The following FOXO1 variants were observed in gnomAD, a reference collection of about 807,000 sequenced individuals.
FOXO1 encodes forkhead box protein O1.
In FOXO1, 6 loss-of-function variants were observed where a neutral mutation model predicts 44.1. The observed-to-expected ratio is 0.14, with a 90% CI of 0.07 to 0.27. The LOEUF (loss-of-function observed/expected upper bound fraction) is 0.27, where lower values mean the gene tolerates loss of function less well. Ranked by LOEUF, FOXO1 falls within the 10% of genes least tolerant of loss-of-function variation. FOXO1 has a pLI of 1.00. For missense variants in FOXO1, 737 were observed against 888.8 expected (o/e 0.83, Z 2.17); for synonymous variants, 380 against 362.7 (o/e 1.05, Z -0.54).
intron 1 of FOXO1, among the ~76,000 whole-genome samples, chr13:40,633,559 G>A (rs1293633790): frequency 6.6e-6 from 1 of 152,176 alleles, no homozygotes; most frequent in African/African-American, 2.4e-5. Context: ...TATACAAAAT[G>A]TTCACAACAG....
intron 1 of FOXO1, among the ~76,000 whole-genome samples, chr13:40,653,016 C>A (rs1390137113): frequency 6.6e-6 from 1 of 151,936 alleles, no homozygotes; most frequent in Non-Finnish European, 1.5e-5. Flanking sequence ...GTCGCCCAGG[C>A]TGGAGTGCAG....
intron 1 of FOXO1, among the ~76,000 whole-genome samples, chr13:40,651,212 T>A (rs1877677074): frequency 6.6e-6 from 1 of 151,998 alleles, no homozygotes. Context: ...TAGACAAGAC[T>A]ACAGGCACAC....
At chr13:40,562,229 G>C (rs1278305425) in intron 1 of FOXO1, among the ~76,000 whole-genome samples, 1 of 152,142 alleles carries the variant, frequency 6.6e-6, no homozygotes, top group South Asian at 2.1e-4. Flanking sequence ...GTAGCCAGGG[G>C]CTACACTGTC....
intron 1 of FOXO1, among the ~76,000 whole-genome samples, chr13:40,564,257 G>A (rs1444817082): frequency 1.3e-5 from 2 of 150,480 alleles, no homozygotes; most frequent in African/African-American, 2.5e-5. Flanking sequence ...ACTAACTCAG[G>A]TGGGACATAT....
intron 1 of FOXO1, among the ~76,000 whole-genome samples, chr13:40,567,318 T>C (rs1383009622): frequency 6.6e-6 from 1 of 152,098 alleles, no homozygotes; most frequent in Non-Finnish European, 1.5e-5. Flanking sequence ...ATTTTTGTAT[T>C]TATTTCATAG....
intron 1 of FOXO1, among the ~76,000 whole-genome samples, chr13:40,641,455 A>T (rs1405757384): frequency 6.6e-6 from 1 of 151,730 alleles, no homozygotes; most frequent in Non-Finnish European, 1.5e-5. Flanking sequence ...TTTCATCTTT[A>T]AGAGTCTAGT....
rs192925442 is a variant in FOXO1 at position 40,623,297 on chromosome 13, G to A, written c.630+42286C>T. Among the ~76,000 whole-genome samples, 10 of 152,226 alleles carry A rather than the reference G, an allele frequency of 6.6e-5. No homozygotes were observed. The East Asian group carries it at 9.7e-4, about 15-fold the overall frequency. ...TTTTCCAAAAGTGACACGGGGGTCCGTGTGGGGCATTAGTTATTACTGTTG... is the reference window on the plus strand; with the variant it reads ...TTTTCCAAAAGTGACACGGGGGTCCATGTGGGGCATTAGTTATTACTGTTG... On this transcript the variant is annotated intron_variant, in intron 1 of 2. Transcript: ENST00000379561.
intron 1 of FOXO1, among the ~76,000 whole-genome samples, chr13:40,642,220 C>T (rs1341288269): frequency 6.6e-6 from 1 of 152,158 alleles, no homozygotes; most frequent in Non-Finnish European, 1.5e-5. Context: ...AACTTCACTG[C>T]TTTGAAAAAC....
Position 40,570,420 on chromosome 13 carries a change from A to G in FOXO1, c.631-9560T>C, listed in dbSNP as rs74791034. ...AGGTGCGTTACAAGTAAATGGGACT[A>G]CGGTATTGAGGAACAAAGAAGGAAG... On this transcript the variant is annotated intron_variant, in intron 1 of 2. Transcript: ENST00000379561. 1.1e-3 allele frequency among the ~76,000 whole-genome samples: 163 copies of G among 152,310 alleles called. 4 individuals are homozygous for G. In the East Asian group the frequency reaches 0.02, roughly 18 times the overall value.
chr13:40,655,690 C>T (rs904361310), intron 1 of FOXO1, among the ~76,000 whole-genome samples: 1 of 136,238 alleles, frequency 7.3e-6, no homozygotes, highest in Non-Finnish European at 1.5e-5. Flanking sequence ...AGGCTCAGGC[C>T]GGAGTGTCGT....
At chr13:40,603,205 AT>A (rs1593395869) in intron 1 of FOXO1, among the ~76,000 whole-genome samples, 3 of 152,120 alleles carry the variant, frequency 2.0e-5, no homozygotes, top group South Asian at 4.1e-4. Flanking sequence ...TTACAGGGTA[AT>A]GAGGAGAAAC....
At chr13:40,577,097 A>C (rs1258082083) in intron 1 of FOXO1, among the ~76,000 whole-genome samples, 1 of 152,186 alleles carries the variant, frequency 6.6e-6, no homozygotes, top group African/African-American at 2.4e-5. Flanking sequence ...TTCAGGGCCA[A>C]GGCTGTGGGG....
chr13:40,573,555 GAC>G (rs1451584546), intron 1 of FOXO1, among the ~76,000 whole-genome samples: 2 of 152,204 alleles, frequency 1.3e-5, no homozygotes, highest in Non-Finnish European at 2.9e-5. Context: ...TTACCATATG[GAC>G]AGTGTTCCTT....
At chr13:40,567,155 C>T (rs1019034627) in intron 1 of FOXO1, among the ~76,000 whole-genome samples, 1 of 152,036 alleles carries the variant, frequency 6.6e-6, no homozygotes, top group Non-Finnish European at 1.5e-5. Flanking sequence ...CGGGTCTCCA[C>T]ACCACTGCTA....
At chr13:40,580,825 G>A (rs1874928069) in intron 1 of FOXO1, among the ~76,000 whole-genome samples, 1 of 152,162 alleles carries the variant, frequency 6.6e-6, no homozygotes, top group Admixed American at 6.5e-5. Context: ...AGTCATCCAG[G>A]ACACAATCAA....
At chr13:40,581,411 ACAGAACTTTAATTAGCCCCCATCT>A (rs1356501449) in intron 1 of FOXO1, among the ~76,000 whole-genome samples, 1 of 152,202 alleles carries the variant, frequency 6.6e-6, no homozygotes, top group East Asian at 1.9e-4. Context: ...TTTATCATCA[ACAGAACTTTAATTAGCCCCCATCT>A]GCTTCCTGTT....
intron 1 of FOXO1, chr13:40,621,481 C>T (rs192321472): frequency 5.9e-4 from 108 of 182,642 alleles, no homozygotes; most frequent in African/African-American, 2.3e-3. Flanking sequence ...ACTATTTTTG[C>T]GTGCTTTTTA....
chr13:40,570,629 A>G (rs1874454906), intron 1 of FOXO1, among the ~76,000 whole-genome samples: 1 of 152,244 alleles, frequency 6.6e-6, no homozygotes, highest in South Asian at 2.1e-4. Context: ...AATGTACTTA[A>G]TGATATTACA....
rs1878206446 is a variant in FOXO1, at chr13:40,665,631, C to G, written c.582G>C (p.Val194=). The G allele has an allele frequency of 6.7e-7, 1 of 1,495,284 alleles. No individual in the cohort carries two copies. The highest frequency in any genetic ancestry group is 1.4e-5 in the African/African-American group (1 of 69,718). 92.6% of individuals were successfully genotyped at this position (1,495,284 alleles called of 1,614,324 possible). ...SQIYEWMVKS[V]PYFKDKGDSN... The stretch of plus-strand genomic sequence containing the variant: ...TGTCACCCTTATCCTTGAAGTAGGG[C>G]ACGCTCTTGACCATCCACTCGTAGA... Residue 194 remains valine (V), a synonymous_variant, in exon 1 of 3, where the codon GTG becomes GTC. Transcript: ENST00000379561.
Sources: gnomAD v4.1 joint callset for allele counts (sites outside exome capture counted in the v4.1 genomes callset) on GRCh38, gnomAD v4.1.1 for gene constraint, MANE v1.5 for transcripts, NCBI Gene and HGNC (gene_info 2026-07-23, HGNC 2026-07-21) for gene names.